The following MEI1 variants were observed in gnomAD, a reference collection of about 807,000 sequenced individuals.
The protein encoded by MEI1 is meiotic double-stranded break formation protein 1.
Under a neutral mutation model 146.2 loss-of-function variants are expected in MEI1, and 103 were observed. That is an observed-to-expected ratio of 0.70 (90% CI 0.60 to 0.83). MEI1 has a LOEUF of 0.83. Ranked by LOEUF, MEI1 falls within the 40% of genes least tolerant of loss-of-function variation. The pLI is 0.00. For synonymous variants in MEI1, 652 were observed against 628.2 expected, an observed-to-expected ratio of 1.04 and a Z score of -0.57; for missense variants, 1,529 against 1,533.0, an observed-to-expected ratio of 1.00 and a Z score of 0.04.
chr22:41,795,489 C>G lies in MEI1; in HGVS notation c.3613C>G (p.Leu1205Val), dbSNP rs55713002. 6.2e-7 allele frequency: 1 copy of G among 1,613,386 alleles called. No individual in the cohort carries two copies. The highest frequency in any genetic ancestry group is 1.3e-5 in the African/African-American group (1 of 74,764). ...DVLQGVALAD[L>V]STLSNTTLQA... ...TCTGCAAGGTGTGGCTTTGGCTGAC[C>G]TGTCTACCCTCTCGAACACCACACT... Residue 1205 changes from leucine (L) to valine (V), a missense_variant, in exon 29 of 31, where the codon CTG (leucine) becomes GTG (valine). By Grantham distance (32) the Leu-to-Val change is conservative. This residue lies in a region of MEI1 where 313 missense variants were observed against 337.3 expected (regional missense o/e 0.93). Transcript: ENST00000401548. The surrounding 1 kb of genome is among the most constrained non-coding windows in gnomAD (Gnocchi z 4.2).
chr22:41,720,984 T>G (rs1257252947), intron 6 of MEI1, among the ~76,000 whole-genome samples: 1 of 151,694 alleles, frequency 6.6e-6, no homozygotes, highest in African/African-American at 2.4e-5. Flanking sequence ...TTTCACCATG[T>G]TAGCCAGGAT....
intron 21 of MEI1, among the ~76,000 whole-genome samples, chr22:41,778,048 C>T (rs2075560381): frequency 6.6e-6 from 1 of 151,780 alleles, no homozygotes; most frequent in Middle Eastern, 3.2e-3. Context: ...TCTTCCTCCT[C>T]CTTCTCCCCT....
Position 41,770,959 on chromosome 22 carries a change from C to G in MEI1, c.2542C>G (p.Leu848Val). The part of the protein sequence containing the change: ...RSIPSILLIL[L>V]DLIYSSPVDT... ...CATCCCCAGCATCCTGCTCATCTTG[C>G]TGGTAGGCAACCACTCATTCATTTC... Residue 848 changes from leucine (L) to valine (V), a missense_variant and splice_region_variant, in exon 20 of 31, where the codon CTG (leucine) becomes GTG (valine). By Grantham distance (32) the Leu-to-Val change is conservative. Transcript: ENST00000401548. 1.2e-6 allele frequency: 2 copies of G among 1,612,298 alleles called. No individual in the cohort carries two copies. Among genetic ancestry groups the G allele is most frequent in the Non-Finnish European group, 8.5e-7 (1 of 1,178,914 alleles).
chr22:41,794,755 C>T (rs1489086349), intron 28 of MEI1, among the ~76,000 whole-genome samples: 1 of 152,146 alleles, frequency 6.6e-6, no homozygotes, highest in African/African-American at 2.4e-5. Context: ...CTAAGGATAT[C>T]AATGAACCAG....
At chr22:41,796,393 A>C (rs1414583176) in intron 30 of MEI1, among the ~76,000 whole-genome samples, 2 of 146,698 alleles carry the variant, frequency 1.4e-5, no homozygotes, top group African/African-American at 5.1e-5. Flanking sequence ...ACAGGGTTTC[A>C]CCATATTGGA....
intron 17 of MEI1, among the ~76,000 whole-genome samples, chr22:41,754,622 C>T (rs868759201): frequency 2.0e-5 from 3 of 151,900 alleles, no homozygotes; most frequent in Non-Finnish European, 4.4e-5. Flanking sequence ...TTAGTAGAGA[C>T]GGGCCTTCAC....
At chr22:41,726,669 T>G (rs1382316610) in intron 7 of MEI1, among the ~76,000 whole-genome samples, 1 of 152,200 alleles carries the variant, frequency 6.6e-6, no homozygotes, top group African/African-American at 2.4e-5. Context: ...TTGGGAGCAC[T>G]TTTTCTTTCT....
At chr22:41,741,399 C>T (rs1446423735) in intron 11 of MEI1, among the ~76,000 whole-genome samples, 1 of 152,190 alleles carries the variant, frequency 6.6e-6, no homozygotes, top group African/African-American at 2.4e-5. Context: ...CATCAACTTA[C>T]AATGCATCTG....
intron 1 of MEI1, among the ~76,000 whole-genome samples, chr22:41,702,740 C>T (rs117636897): frequency 0.016 from 2,484 of 152,146 alleles, 49 homozygotes; most frequent in Admixed American, 0.059. Context: ...CCACCATGCC[C>T]GGCCTCTGAA....
intron 20 of MEI1, among the ~76,000 whole-genome samples, chr22:41,771,756 A>G (rs1378291717): frequency 1.3e-5 from 2 of 152,138 alleles, no homozygotes; most frequent in Non-Finnish European, 2.9e-5. Context: ...CTTTAACTCC[A>G]CTTTTTTTCC....
chr22:41,745,817 C>A, intron 13 of MEI1, 68 bp from the exon 14 acceptor site: 2 of 1,473,484 alleles, frequency 1.4e-6, no homozygotes, highest in Non-Finnish European at 1.8e-6. Context: ...CGCCACCCCC[C>A]AGGAAGCTGT....
intron 19 of MEI1, among the ~76,000 whole-genome samples, chr22:41,770,102 C>T (rs896664334): frequency 2.8e-4 from 43 of 151,880 alleles, no homozygotes; most frequent in African/African-American, 9.7e-4. Flanking sequence ...CCATTGCACT[C>T]CAGCCTGGGC....
chr22:41,778,647 G>A (rs1302861961), intron 21 of MEI1, 61 bp from the exon 22 acceptor site: 1 of 1,325,904 alleles, frequency 7.5e-7, no homozygotes, highest in Non-Finnish European at 1.1e-6. Flanking sequence ...AGGGCAGGGT[G>A]TCTGACCTTC....
chr22:41,794,873 G>T (rs2076307482), intron 28 of MEI1, among the ~76,000 whole-genome samples: 1 of 152,150 alleles, frequency 6.6e-6, no homozygotes, highest in Non-Finnish European at 1.5e-5. Flanking sequence ...CTAACTGTGG[G>T]GCACACAGTA....
At chr22:41,726,233 AAAG>A (rs2071344708) in intron 7 of MEI1, among the ~76,000 whole-genome samples, 1 of 146,286 alleles carries the variant, frequency 6.8e-6, no homozygotes, top group African/African-American at 2.8e-5. Context: ...CAAGAAAAGA[AAAG>A]AACTGACTTC....
At chr22:41,713,085 A>G (rs533781485) in intron 3 of MEI1, among the ~76,000 whole-genome samples, 2 of 152,192 alleles carry the variant, frequency 1.3e-5, no homozygotes, top group South Asian at 4.2e-4. Flanking sequence ...CTGGGATTAC[A>G]TGCGTGAGCC....
At chr22:41,735,541 A>AT (rs905086495) in intron 11 of MEI1, among the ~76,000 whole-genome samples, 5 of 151,794 alleles carry the variant, frequency 3.3e-5, no homozygotes, top group East Asian at 1.9e-4. Flanking sequence ...CCATATTGTT[A>AT]TTTTTTTTAT....
chr22:41,758,586 A>C, intron 18 of MEI1, 53 bp downstream of exon 18: 3 of 1,540,136 alleles, frequency 1.9e-6, no homozygotes, highest in Non-Finnish European at 2.6e-6. Flanking sequence ...CTTCATCAGC[A>C]GTTCAGTTCA....
At chr22:41,723,821 A>G in intron 6 of MEI1, 122 bp from the exon 7 acceptor site, 1 of 1,259,316 alleles carries the variant, frequency 7.9e-7, no homozygotes, top group Non-Finnish European at 1.1e-6. Context: ...AAGGATTCTA[A>G]CCATTCTTCA....
Sources: gnomAD v4.1 joint callset for allele counts (sites outside exome capture counted in the v4.1 genomes callset) on GRCh38, gnomAD v4.1.1 for gene constraint, gnomAD v4.1.1 regional missense constraint, Gnocchi (gnomAD v3.1) non-coding constraint, MANE v1.5 for transcripts, NCBI Gene and HGNC (gene_info 2026-07-23, HGNC 2026-07-21) for gene names.